Variants in MCM5 observed in about 807,000 individuals in gnomAD.
The protein encoded by MCM5 is DNA replication licensing factor MCM5.
In MCM5, 46 loss-of-function variants were observed where a neutral mutation model predicts 79.9. The ratio of observed to expected loss-of-function variants is 0.58; its 90% CI spans 0.45 to 0.74. The LOEUF (loss-of-function observed/expected upper bound fraction) is 0.74, where lower values mean the gene tolerates loss of function less well. Among genes scored for constraint, MCM5 ranks in the 30% least tolerant of loss-of-function variants. The pLI, the probability that MCM5 is intolerant of heterozygous loss-of-function variation, is 0.00. For missense variants in MCM5, 883 were observed against 1,017.0 expected (o/e 0.87, Z 1.79); for synonymous variants, 404 against 390.5 (o/e 1.03, Z -0.41).
At chr22:35,415,003 A>C (rs1374415613) in intron 9 of MCM5, among the ~76,000 whole-genome samples, 1 of 152,152 alleles carries the variant, frequency 6.6e-6, no homozygotes, top group Non-Finnish European at 1.5e-5. Context: ...GGCACTGTCC[A>C]GTAGAAATAG....
the MCM5 span, among the ~76,000 whole-genome samples, chr22:35,452,499 C>G: frequency 1.3e-5 from 2 of 152,190 alleles, no homozygotes; most frequent in Admixed American, 6.5e-5. Flanking sequence ...GGCCGCCTCA[C>G]GTTCCTCCAC....
chr22:35,406,236 C>G (rs1348673047), intron 4 of MCM5, among the ~76,000 whole-genome samples: 1 of 150,968 alleles, frequency 6.6e-6, no homozygotes, highest in African/African-American at 2.4e-5. Context: ...GGGGTCAGGT[C>G]TCTCTCCTGG....
intron 12 of MCM5, 59 bp downstream of exon 12, chr22:35,416,873 G>T: frequency 6.3e-7 from 1 of 1,577,208 alleles, no homozygotes; most frequent in South Asian, 1.1e-5. Context: ...GCTTGTGATT[G>T]TGTGGGAAGG....
intron 15 of MCM5, chr22:35,421,910 C>G (rs536920520): frequency 3.5e-6 from 1 of 282,342 alleles, no homozygotes. Context: ...TGCCCAAGAT[C>G]ACAGTCGCTT....
intron 1 of MCM5, 77 bp from the exon 2 acceptor site, chr22:35,400,354 C>A: frequency 6.4e-7 from 1 of 1,550,892 alleles, no homozygotes; most frequent in Non-Finnish European, 8.9e-7. Context: ...GGACTCAGGG[C>A]AGGGACCCAG....
rs1218665637 is a variant in MCM5, at chr22:35,400,485, G to C, written c.47G>C (p.Gly16Ala). 1 of 1,614,112 alleles carries C rather than the reference G, an allele frequency of 6.2e-7. No homozygotes were observed. Among genetic ancestry groups the C allele is most frequent in the Non-Finnish European group, 8.5e-7 (1 of 1,179,988 alleles). Residue 16 changes from glycine (G) to alanine (A), a missense_variant, in exon 2 of 17, where the codon GGG becomes GCG. Around this residue, in one of 3 missense-constraint regions of MCM5, gnomAD observed 455 missense variants for 517.5 expected, o/e 0.88. Coordinates refer to ENST00000216122, the MANE Select transcript of MCM5 (RefSeq NM_006739.4). ...GGCATTTTCTACAGCGACAGCTTCG[G>C]GGGCGACGCCCAGGCCGACGAGGGG... ...DPGIFYSDSF[G>A]GDAQADEGQA...
At chr22:35,403,043 A>G (rs1387306074) in intron 2 of MCM5, among the ~76,000 whole-genome samples, 164 bp from the exon 3 acceptor site, 1 of 152,120 alleles carries the variant, frequency 6.6e-6, no homozygotes, top group African/African-American at 2.4e-5. Context: ...TGCAGGGTTA[A>G]ATAATGGAAT....
intron 9 of MCM5, among the ~76,000 whole-genome samples, chr22:35,414,853 G>T (rs1190604849): frequency 6.6e-6 from 1 of 152,110 alleles, no homozygotes; most frequent in Non-Finnish European, 1.5e-5. Flanking sequence ...TGTCTGATGA[G>T]CTGGGTCCTC....
chr22:35,432,701 CTG>C, the MCM5 span, among the ~76,000 whole-genome samples: 1 of 151,778 alleles, frequency 6.6e-6, no homozygotes, highest in Non-Finnish European at 1.5e-5. Flanking sequence ...TCATCTGGCT[CTG>C]TGTGTGTGTG....
chr22:35,447,129 C>T, the MCM5 span, among the ~76,000 whole-genome samples: 1 of 152,138 alleles, frequency 6.6e-6, no homozygotes, highest in Non-Finnish European at 1.5e-5. Flanking sequence ...GCAGCATCAG[C>T]CTCGGGCTTC....
chr22:35,400,292 C>T, intron 1 of MCM5, 84 bp downstream of exon 1: 3 of 863,218 alleles, frequency 3.5e-6, no homozygotes, highest in East Asian at 2.4e-5. Context: ...ACAGGAGTTT[C>T]TCGGGAACTG....
the MCM5 span, among the ~76,000 whole-genome samples, chr22:35,450,584 C>A: frequency 1.3e-5 from 2 of 152,304 alleles, no homozygotes; most frequent in Non-Finnish European, 2.9e-5. Flanking sequence ...GGCCCTTTCA[C>A]TCCCACTGGA....
chr22:35,425,149 G>A lies in MCM5; in HGVS notation c.*894G>A, dbSNP rs1231844969. On this transcript the variant is annotated 3_prime_UTR_variant, in exon 17 of 17. Coordinates refer to ENST00000216122, the MANE Select transcript of MCM5 (RefSeq NM_006739.4). ...CAGTGATGCTGGAGGAAGGAGTGTT[G>A]CCAAGTGCCTCGGTCACTTTGCCTA... 1 of 152,194 alleles carries A rather than the reference G, an allele frequency of 6.6e-6. No individual in the cohort carries two copies. Among genetic ancestry groups the A allele is most frequent in the African/African-American group, 2.4e-5 (1 of 41,444 alleles). The allele number at this position is 152,194 out of a possible 1,614,324, so 9.4% of individuals were successfully genotyped here.
chr22:35,412,213 C>A (rs946365481), intron 7 of MCM5, among the ~76,000 whole-genome samples: 2 of 152,204 alleles, frequency 1.3e-5, no homozygotes, highest in African/African-American at 4.8e-5. Flanking sequence ...CTATATCACT[C>A]CTCGGCTGAA....
chr22:35,418,707 A>ACACACACT (rs1555904725), intron 13 of MCM5, among the ~76,000 whole-genome samples: 2 of 151,366 alleles, frequency 1.3e-5, no homozygotes, highest in African/African-American at 4.9e-5. Flanking sequence ...ACACACACAC[A>ACACACACT]CACTCACTCT....
chr22:35,406,598 G>A lies in MCM5; in HGVS notation c.469G>A (p.Ala157Thr), dbSNP rs766431719. Residue 157 changes from alanine (A) to threonine (T), a missense_variant, in exon 5 of 17, where the codon GCG becomes ACG. By Grantham distance (58) the Ala-to-Thr change is moderately conservative. This residue lies in a region of MCM5 where 455 missense variants were observed against 517.5 expected (regional missense o/e 0.88). Transcript: ENST00000216122. The part of the protein sequence containing the change: ...HLVKIPGIII[A>T]ASAVRAKATR... ...GGTGAAGATCCCTGGCATCATCATCGCGGCCTCTGCGGTCCGTGCCAAGGC... is the reference window on the plus strand; with the variant it reads ...GGTGAAGATCCCTGGCATCATCATCACGGCCTCTGCGGTCCGTGCCAAGGC... 25 of 1,613,500 alleles carry A rather than the reference G, an allele frequency of 1.5e-5. No individual in the cohort carries two copies. Among genetic ancestry groups the A allele is most frequent in the South Asian group, 7.7e-5 (7 of 91,080 alleles).
chr22:35,438,368 T>TATCC, the MCM5 span, among the ~76,000 whole-genome samples: 14 of 108,738 alleles, frequency 1.3e-4, no homozygotes, highest in Non-Finnish European at 1.7e-4. Flanking sequence ...CCCACATATT[T>TATCC]ATCCATCCAT....
chr22:35,423,244 A>G lies in MCM5; in HGVS notation c.2006A>G (p.Gln669Arg). 6.2e-7 allele frequency: 1 copy of G among 1,600,410 alleles called. No homozygotes were observed. Among genetic ancestry groups the G allele is most frequent in the East Asian group, 2.3e-5 (1 of 44,070 alleles). Residue 669 changes from glutamine (Q) to arginine (R), a missense_variant, in exon 16 of 17, where the codon CAG (glutamine) becomes CGG (arginine). Around this residue, in one of 3 missense-constraint regions of MCM5, gnomAD observed 426 missense variants for 482.3 expected, o/e 0.88. Transcript: ENST00000216122. The part of the protein sequence containing the change: ...GVEGFTSQED[Q>R]EMLSRIEKQL... ...GAGGGCTTCACCAGCCAGGAGGACC[A>G]GGAGATGCTGAGCCGCATCGAGAAG...
intron 6 of MCM5, chr22:35,409,843 TG>T (rs1479893776): frequency 2.0e-5 from 3 of 152,148 alleles, no homozygotes; most frequent in Non-Finnish European, 4.4e-5. Context: ...ATCAGTAAAA[TG>T]GGGATAAGGA....
Sources: allele counts gnomAD v4.1 joint callset (sites outside exome capture counted in the v4.1 genomes callset), GRCh38; gene constraint gnomAD v4.1.1; regional missense constraint gnomAD v4.1.1; transcripts MANE v1.5; gene names NCBI Gene and HGNC (gene_info 2026-07-23, HGNC 2026-07-21).